IGF1R: variants seen among roughly 807,000 people sequenced by gnomAD.
The protein encoded by IGF1R is insulin-like growth factor 1 receptor.
Under a neutral mutation model 144.6 loss-of-function variants are expected in IGF1R, and 44 were observed. The ratio of observed to expected loss-of-function variants is 0.30; its 90% CI spans 0.24 to 0.39. IGF1R has a LOEUF of 0.39. Ranked by LOEUF, IGF1R falls within the 10% of genes least tolerant of loss-of-function variation. The pLI, the probability that IGF1R is intolerant of heterozygous loss-of-function variation, is 1.00. For synonymous variants in IGF1R, 795 were observed against 722.8 expected, an observed-to-expected ratio of 1.10 and a Z score of -1.60; for missense variants, 1,355 against 1,833.7, an observed-to-expected ratio of 0.74 and a Z score of 4.77.
In IGF1R at chr15:98,962,580, CTGGT is replaced by C; in HGVS notation, c.*5141_*5144del. The C allele has an allele frequency of 4.3e-6, 1 of 233,766 alleles. No homozygotes were observed. The highest frequency in any genetic ancestry group is 8.5e-6 in the Non-Finnish European group (1 of 118,118). The allele number at this position is 233,766 out of a possible 1,614,324, so 14.5% of individuals were successfully genotyped here. On this transcript the variant is annotated 3_prime_UTR_variant, in exon 21 of 21. Coordinates refer to ENST00000650285, the MANE Select transcript of IGF1R (RefSeq NM_000875.5). The stretch of plus-strand genomic sequence containing the variant: ...CATTTTTGGCCTTCATCTTAGATGA[CTGGT>C]TGCGTCATTTGGAGAAGTGAGTGCT...
At chr15:98,875,381 T>C (rs2013012260) in intron 2 of IGF1R, among the ~76,000 whole-genome samples, 1 of 148,594 alleles carries the variant, frequency 6.7e-6, no homozygotes, top group African/African-American at 2.5e-5. Flanking sequence ...ACTTGGCCAG[T>C]TTGGGTTTTT....
At chr15:98,904,817 G>T (rs2014654832) in intron 5 of IGF1R, among the ~76,000 whole-genome samples, 1 of 152,226 alleles carries the variant, frequency 6.6e-6, no homozygotes, top group South Asian at 2.1e-4. Context: ...GGAGACCTCG[G>T]GTTCAGCTCC....
At chr15:98,953,838 T>C (rs2016871847) in intron 20 of IGF1R, among the ~76,000 whole-genome samples, 1 of 152,202 alleles carries the variant, frequency 6.6e-6, no homozygotes, top group African/African-American at 2.4e-5. Flanking sequence ...AATCCTGGTT[T>C]GGTTCTGCGG....
rs2013932921 is a variant in IGF1R, at chr15:98,891,717, T to C, written c.953+80T>C. 7.0e-7 allele frequency: 1 copy of C among 1,422,324 alleles called. No individual in the cohort carries two copies. The highest frequency in any genetic ancestry group is 1.9e-5 in the Admixed American group (1 of 53,952). 88.1% of individuals were successfully genotyped at this position (1,422,324 alleles called of 1,614,324 possible). On this transcript the variant is annotated intron_variant, in intron 3 of 20. Transcript: ENST00000650285. The surrounding 1 kb of genome is among the most constrained non-coding windows in gnomAD (Gnocchi z 4.7). Reference sequence around the variant, plus strand: ...AGCACACAAAGGTAGACTCTGTCGGTTGTTTCATCCGGGTGCAGCCCTCAG... The same window carrying C: ...AGCACACAAAGGTAGACTCTGTCGGCTGTTTCATCCGGGTGCAGCCCTCAG...
chr15:98,809,410 G>T (rs144637431), intron 2 of IGF1R, among the ~76,000 whole-genome samples: 3 of 152,192 alleles, frequency 2.0e-5, no homozygotes, highest in Admixed American at 6.5e-5. Context: ...CATGGAGTCA[G>T]TGTGAGTTCT....
chr15:98,659,181 CTT>C (rs1449859393), intron 1 of IGF1R, among the ~76,000 whole-genome samples: 1 of 152,066 alleles, frequency 6.6e-6, no homozygotes, highest in African/African-American at 2.4e-5. Context: ...TATAATAAAA[CTT>C]TATTTTGCTA....
intron 2 of IGF1R, among the ~76,000 whole-genome samples, chr15:98,838,705 C>G (rs1364589791): frequency 6.6e-6 from 1 of 152,178 alleles, no homozygotes; most frequent in Non-Finnish European, 1.5e-5. Flanking sequence ...CCAGAGCATC[C>G]CTTTAGAGCC....
intron 2 of IGF1R, chr15:98,873,572 A>C (rs984074817): frequency 4.6e-5 from 7 of 152,234 alleles, no homozygotes; most frequent in African/African-American, 1.7e-4. Context: ...CAGAATTTGA[A>C]AATATCGGAT....
At chr15:98,825,661 C>G (rs2056881238) in intron 2 of IGF1R, among the ~76,000 whole-genome samples, 1 of 152,192 alleles carries the variant, frequency 6.6e-6, no homozygotes, top group Non-Finnish European at 1.5e-5. Flanking sequence ...AAATTGTCTT[C>G]TACGGAACCG....
Position 98,935,183 on chromosome 15 carries a change from C to A in IGF1R, c.3186+130C>A. The A allele has an allele frequency of 1.1e-6, 1 of 946,976 alleles. No homozygotes were observed. 58.7% of individuals were successfully genotyped at this position (946,976 alleles called of 1,614,324 possible). On this transcript the variant is annotated intron_variant, in intron 16 of 20. Coordinates refer to ENST00000650285, the MANE Select transcript of IGF1R (RefSeq NM_000875.5). This position sits in a 1 kb window ranked among gnomAD's most constrained non-coding sequence, Gnocchi z 4.2. ...GCCTTTGCCTTCTGGATAGTTACCC[C>A]ATTACCTCACTGCTACCTTCAGACC... is the stretch of plus-strand genomic sequence containing the variant.
At chr15:98,754,850 A>G (rs45565535) in intron 2 of IGF1R, among the ~76,000 whole-genome samples, 28 of 152,286 alleles carry the variant, frequency 1.8e-4, no homozygotes, top group East Asian at 5.8e-4. Context: ...TTGCTACTCA[A>G]TGAGGTCAGG....
intron 2 of IGF1R, among the ~76,000 whole-genome samples, chr15:98,743,667 T>TC (rs1229744359): frequency 6.6e-6 from 1 of 152,120 alleles, no homozygotes; most frequent in Non-Finnish European, 1.5e-5. Context: ...CACCAAAGGA[T>TC]CAGTGGGAGA....
intron 1 of IGF1R, among the ~76,000 whole-genome samples, chr15:98,676,603 C>G (rs1026651739): frequency 6.6e-6 from 1 of 151,832 alleles, no homozygotes; most frequent in Non-Finnish European, 1.5e-5. Context: ...TTCAGGTGAA[C>G]TTTGTGTGTG....
chr15:98,920,779 A>G (rs935122080), intron 10 of IGF1R, among the ~76,000 whole-genome samples: 1 of 152,154 alleles, frequency 6.6e-6, no homozygotes, highest in Non-Finnish European at 1.5e-5. Flanking sequence ...TGCCTTCGGT[A>G]GGACCCCCGT....
At chr15:98,676,368 C>G (rs1193853867) in intron 1 of IGF1R, among the ~76,000 whole-genome samples, 2 of 152,008 alleles carry the variant, frequency 1.3e-5, no homozygotes, top group Admixed American at 6.6e-5. Context: ...GAAATCCTGA[C>G]CTTGCGATCC....
At chr15:98,665,923 T>TC in intron 1 of IGF1R, among the ~76,000 whole-genome samples, 1 of 58,246 alleles carries the variant, frequency 1.7e-5, no homozygotes, top group East Asian at 1.0e-3. Flanking sequence ...ACTTGAATGG[T>TC]CTTGCTAAGC....
chr15:98,700,292 C>T (rs45557435), intron 1 of IGF1R, among the ~76,000 whole-genome samples: 3,676 of 152,082 alleles, frequency 0.024, 70 homozygotes, highest in Non-Finnish European at 0.039. Context: ...TGCTTTGTTT[C>T]GTAGTTTCTT....
intron 2 of IGF1R, among the ~76,000 whole-genome samples, chr15:98,884,774 G>C (rs1342701536): frequency 6.6e-6 from 1 of 151,392 alleles, no homozygotes; most frequent in Non-Finnish European, 1.5e-5. Context: ...CATCTGCACT[G>C]CTGTCCTCTT....
At chr15:98,798,195 G>A (rs2056290202) in intron 2 of IGF1R, among the ~76,000 whole-genome samples, 1 of 152,176 alleles carries the variant, frequency 6.6e-6, no homozygotes, top group Non-Finnish European at 1.5e-5. Flanking sequence ...CACATGTTAG[G>A]TGTGGGGTAC....
Sources: gnomAD v4.1 joint callset for allele counts (sites outside exome capture counted in the v4.1 genomes callset) on GRCh38, gnomAD v4.1.1 for gene constraint, Gnocchi (gnomAD v3.1) non-coding constraint, MANE v1.5 for transcripts, NCBI Gene and HGNC (gene_info 2026-07-23, HGNC 2026-07-21) for gene names.